FAM135B: variants seen among roughly 807,000 people sequenced by gnomAD.
The protein encoded by FAM135B is family with sequence similarity 135 member B, also known as protein FAM135B.
In FAM135B, 43 loss-of-function variants were observed where a neutral mutation model predicts 127.7. That is an observed-to-expected ratio of 0.34 (90% CI 0.26 to 0.43). FAM135B has a LOEUF of 0.43. Ranked by LOEUF, FAM135B falls within the 20% of genes least tolerant of loss-of-function variation. The pLI is 1.00. For synonymous variants in FAM135B, 670 were observed against 665.1 expected (o/e 1.01, Z -0.11); for missense variants, 1,558 against 1,725.6 (o/e 0.90, Z 1.72).
At chr8:138,219,386 C>A (rs983456087) in intron 7 of FAM135B, among the ~76,000 whole-genome samples, 4 of 152,164 alleles carry the variant, frequency 2.6e-5, no homozygotes, top group African/African-American at 7.2e-5. Context: ...AAACCTGGAA[C>A]CTGTCCCTGG....
chr8:138,214,344 A>C (rs1231856036), intron 7 of FAM135B, among the ~76,000 whole-genome samples: 1 of 152,244 alleles, frequency 6.6e-6, no homozygotes. Context: ...AGTATGCTTA[A>C]CATGGTGCAT....
chr8:138,274,452 C>A (rs952602990), intron 3 of FAM135B, among the ~76,000 whole-genome samples: 1 of 152,148 alleles, frequency 6.6e-6, no homozygotes, highest in African/African-American at 2.4e-5. Context: ...CAAGTGGAGG[C>A]AGGGCGAGAT....
At position 138,141,367 on chromosome 8, in the gene FAM135B, G is replaced by A. The variant is rs2130600459; in HGVS notation, c.3639-18C>T. 2 of 1,613,794 alleles carry A rather than the reference G, an allele frequency of 1.2e-6. No individual in the cohort carries two copies. Among genetic ancestry groups the A allele is most frequent in the South Asian group, 1.1e-5 (1 of 91,018 alleles). On this transcript the variant is annotated intron_variant, in intron 16 of 19. Transcript: ENST00000395297. The surrounding 1 kb of genome is among the most constrained non-coding windows in gnomAD (Gnocchi z 4.7). ...CAATGAAGCTGTGGAGAAACAGAAG[G>A]GGTACCCATGAGTGTGACGGTGAAT...
intron 2 of FAM135B, among the ~76,000 whole-genome samples, chr8:138,318,825 A>G (rs1827257646): frequency 6.6e-6 from 1 of 152,214 alleles, no homozygotes; most frequent in Non-Finnish European, 1.5e-5. Flanking sequence ...TTACATTTCA[A>G]TTAGGTTGAC....
At chr8:138,406,725 A>C (rs1286366548) in intron 1 of FAM135B, among the ~76,000 whole-genome samples, 4 of 150,992 alleles carry the variant, frequency 2.6e-5, no homozygotes, top group Non-Finnish European at 5.9e-5. Flanking sequence ...CATGCTAAAA[A>C]CTCTCAATAA....
chr8:138,221,810 T>C (rs1230388921), intron 7 of FAM135B, among the ~76,000 whole-genome samples: 2 of 152,088 alleles, frequency 1.3e-5, no homozygotes, highest in African/African-American at 4.8e-5. Context: ...CCACATCCAA[T>C]TACAAAGCTA....
At chr8:138,231,376 G>A (rs1819895672) in intron 7 of FAM135B, among the ~76,000 whole-genome samples, 1 of 152,108 alleles carries the variant, frequency 6.6e-6, no homozygotes, top group South Asian at 2.1e-4. Context: ...GGACCAGGCA[G>A]ACTTGTTCAC....
At chr8:138,273,280 AC>A (rs1301476003) in intron 3 of FAM135B, among the ~76,000 whole-genome samples, 1 of 152,210 alleles carries the variant, frequency 6.6e-6, no homozygotes, top group Non-Finnish European at 1.5e-5. Flanking sequence ...ATCTTGGCTC[AC>A]TGCAACCTCC....
Position 138,310,908 on chromosome 8 carries a change from G to C in FAM135B, c.90C>G (p.Ile30Met), listed in dbSNP as rs747558011. The change falls in exon 3 of 20, where the codon ATC becomes ATG. Residue 30 changes from isoleucine (I) to methionine (M), a missense_variant. Physicochemically the swap from Ile to Met is conservative, Grantham distance 10. Coordinates refer to ENST00000395297, the MANE Select transcript of FAM135B (RefSeq NM_015912.4). Reference protein sequence around the residue: ...VDLFQRGYYQIRVTLKVSSRI... With the variant: ...VDLFQRGYYQMRVTLKVSSRI... ...TTGAAGACACCTTCAAGGTCACTCG[G>C]ATCTGGTAATACCTAAGAAAAGAGA... 6.2e-7 allele frequency: 1 copy of C among 1,612,932 alleles called. No individual in the cohort carries two copies. Among genetic ancestry groups the C allele is most frequent in the Non-Finnish European group, 8.5e-7 (1 of 1,179,592 alleles).
In FAM135B at chr8:138,139,026, A is replaced by T. The variant is rs377399248; in HGVS notation, c.3861T>A (p.Asp1287Glu). 6.2e-7 allele frequency: 1 copy of T among 1,613,900 alleles called. No individual in the cohort carries two copies. The highest frequency in any genetic ancestry group is 8.5e-7 in the Non-Finnish European group (1 of 1,179,896). The change falls in exon 18 of 20, where the codon GAT becomes GAA. Residue 1287 changes from aspartate to glutamate, a missense_variant. Transcript: ENST00000395297. ...GTTGGTAGAGGAAACATTTGCGCAA[A>T]TCAGCATTATCCCTGAAGGTCAGCT... ...LLQLTFRDNADLRKCFLYQLS... is the reference protein window; with the variant it reads ...LLQLTFRDNAELRKCFLYQLS...
At chr8:138,422,247 T>C (rs995586901) in intron 1 of FAM135B, among the ~76,000 whole-genome samples, 1 of 151,996 alleles carries the variant, frequency 6.6e-6, no homozygotes, top group Non-Finnish European at 1.5e-5. Context: ...AAAGCAATTA[T>C]AACAAAAACT....
At chr8:138,438,510 G>A (rs1835587267) in intron 1 of FAM135B, 1 of 152,198 alleles carries the variant, frequency 6.6e-6, no homozygotes, top group South Asian at 2.1e-4. Context: ...GAGCTAGGCA[G>A]TAGTTAAAGT....
At chr8:138,274,161 C>A (rs961315735) in intron 3 of FAM135B, among the ~76,000 whole-genome samples, 3 of 152,166 alleles carry the variant, frequency 2.0e-5, no homozygotes, top group African/African-American at 2.4e-5. Flanking sequence ...ATCCAATCAT[C>A]GGCACATTAT....
chr8:138,316,976 T>C (rs1376639068), intron 2 of FAM135B, among the ~76,000 whole-genome samples: 1 of 145,808 alleles, frequency 6.9e-6, no homozygotes, highest in African/African-American at 2.6e-5. Flanking sequence ...CAAGACTCCA[T>C]CTCAAAAAAA....
intron 16 of FAM135B, among the ~76,000 whole-genome samples, chr8:138,142,404 C>T (rs947427782): frequency 3.3e-5 from 5 of 150,234 alleles, no homozygotes; most frequent in African/African-American, 7.4e-5. Flanking sequence ...CCCAGGTTCA[C>T]GCCATTCTCC....
At chr8:138,321,744 A>T (rs1443145573) in intron 2 of FAM135B, among the ~76,000 whole-genome samples, 1 of 152,204 alleles carries the variant, frequency 6.6e-6, no homozygotes, top group Non-Finnish European at 1.5e-5. Context: ...TGCTTTTAAT[A>T]ATAGGTATAA....
rs541536968 is a variant in FAM135B, at chr8:138,137,948, G to A, written c.3902-688C>T. On this transcript the variant is annotated intron_variant, in intron 18 of 19. Coordinates refer to ENST00000395297, the MANE Select transcript of FAM135B (RefSeq NM_015912.4). Reference sequence around the variant, plus strand: ...ATTCCCCAGATCCTGCTGGGTGGGCGGCTGTCAGCTCTTAGCTATGTGTGC... The same window carrying A: ...ATTCCCCAGATCCTGCTGGGTGGGCAGCTGTCAGCTCTTAGCTATGTGTGC... Among the ~76,000 whole-genome samples the A allele has an allele frequency of 7.3e-4, 111 of 152,260 alleles. 4 individuals are homozygous for A. The South Asian group carries it at 0.023, about 31-fold the overall frequency.
intron 7 of FAM135B, among the ~76,000 whole-genome samples, chr8:138,233,844 A>G (rs1190892972): frequency 6.6e-6 from 1 of 152,236 alleles, no homozygotes; most frequent in African/African-American, 2.4e-5. Context: ...AAATAAATAA[A>G]TAAACTTGAT....
rs1166235927 is a variant in FAM135B, at chr8:138,142,285, C to CTTTTTTTTTTTTTT, written c.3638+726_3638+727insAAAAAAAAAAAAAA. ...TTGGGGTGGGCAACTCATTCTGCTT[C>CTTTTTTTTTTTTTT]TTCTTTTTTTTTTTTTTTTTTTTTT... On this transcript the variant is annotated intron_variant, in intron 16 of 19. Coordinates refer to ENST00000395297, the MANE Select transcript of FAM135B (RefSeq NM_015912.4). Among the ~76,000 whole-genome samples the CTTTTTTTTTTTTTT allele has an allele frequency of 5.0e-5, 5 of 99,934 alleles. 2 individuals carry two copies. Among genetic ancestry groups the CTTTTTTTTTTTTTT allele is most frequent in the Non-Finnish European group, 6.0e-5 (3 of 50,298 alleles). The allele number at this position is 99,934 out of a possible 152,430, so 65.6% of individuals were successfully genotyped here. A position where few individuals can be genotyped will look rare whatever the true frequency, so the allele number is the denominator to read the frequency against.
Sources: allele counts gnomAD v4.1 joint callset (sites outside exome capture counted in the v4.1 genomes callset), GRCh38; gene constraint gnomAD v4.1.1; non-coding constraint Gnocchi (gnomAD v3.1); transcripts MANE v1.5; gene names NCBI Gene and HGNC (gene_info 2026-07-23, HGNC 2026-07-21).